SPATA13: variants seen among roughly 807,000 people sequenced by gnomAD.
SPATA13 encodes spermatogenesis-associated protein 13.
In SPATA13, 50 loss-of-function variants were observed where a neutral mutation model predicts 104.0. The observed-to-expected ratio is 0.48, with a 90% confidence interval of 0.38 to 0.61. The LOEUF is 0.61. SPATA13 is among the 20% of genes least tolerant of loss of function. The pLI, the probability that SPATA13 is intolerant of heterozygous loss-of-function variation, is 0.00. For synonymous variants in SPATA13, 606 were observed against 667.5 expected, an observed-to-expected ratio of 0.91 and a Z score of 1.42; for missense variants, 1,524 against 1,690.6, an observed-to-expected ratio of 0.90 and a Z score of 1.73.
chr13:24,059,507 C>T (rs569052621), intron 3 of SPATA13, among the ~76,000 whole-genome samples: 53 of 152,308 alleles, frequency 3.5e-4, no homozygotes, highest in South Asian at 1.0e-3. Flanking sequence ...CTTACACTAA[C>T]GCTTTTGTTT....
rs146833010 is a variant in SPATA13, at chr13:24,170,559, G to A, written c.-112+9627G>A. Among the ~76,000 whole-genome samples, 419 of 152,302 alleles carry A rather than the reference G, an allele frequency of 2.8e-3. 1 individual carries two copies. The highest frequency in any genetic ancestry group is 9.2e-3 in the African/African-American group (381 of 41,556). ...CTTTCGTGGAAAGTCTCCTGTGGAA[G>A]CGCCATCCCCTCTGCAGAGTACATC... On this transcript the variant is annotated intron_variant, in intron 1 of 12. Coordinates refer to ENST00000382108, the MANE Select transcript of SPATA13 (RefSeq NM_001166271.3).
At chr13:23,986,766 G>C (rs895342769) in intron 2 of SPATA13, among the ~76,000 whole-genome samples, 3 of 152,092 alleles carry the variant, frequency 2.0e-5, no homozygotes, top group African/African-American at 7.3e-5. Flanking sequence ...AAAGAGCATC[G>C]GGGCCATACA....
intron 2 of SPATA13, among the ~76,000 whole-genome samples, chr13:24,244,748 A>C (rs1343794046): frequency 6.6e-6 from 1 of 152,204 alleles, no homozygotes; most frequent in African/African-American, 2.4e-5. Flanking sequence ...CTGTAGTCCC[A>C]GCTTCCTGGG....
intron 3 of SPATA13, among the ~76,000 whole-genome samples, chr13:24,105,501 G>T (rs1172190510): frequency 1.3e-5 from 2 of 149,552 alleles, no homozygotes; most frequent in Non-Finnish European, 3.0e-5. Context: ...TTCTGGGATT[G>T]CCAGCACCAA....
chr13:24,270,731 C>A, intron 4 of SPATA13: 1 of 1,548,090 alleles, frequency 6.5e-7, no homozygotes. Flanking sequence ...AACGTCAAAG[C>A]AGTGAATAAG....
Position 24,124,144 on chromosome 13 carries a change from C to A in SPATA13, c.-111-98675C>A, listed in dbSNP as rs562295827. 3.3e-5 allele frequency among the ~76,000 whole-genome samples: 5 copies of A among 152,308 alleles called. No individual in the cohort carries two copies. The East Asian group carries it at 5.8e-4, about 18-fold the overall frequency. On this transcript the variant is annotated intron_variant, in intron 3 of 14. Coordinates refer to the SPATA13 transcript ENST00000424834. ...CTAAGCACCCAGCAACATACAAATTCACCAAAGAAAGCAGTTATTAGAGTT... is the reference window on the plus strand; with the variant it reads ...CTAAGCACCCAGCAACATACAAATTAACCAAAGAAAGCAGTTATTAGAGTT...
chr13:24,290,905 G>A, intron 9 of SPATA13, 21 bp downstream of exon 9: 2 of 1,594,656 alleles, frequency 1.3e-6, no homozygotes, highest in Non-Finnish European at 1.7e-6. Context: ...TGGGTAAGGG[G>A]CACAGGTGAG....
chr13:24,069,671 C>A (rs1010315683), intron 3 of SPATA13, among the ~76,000 whole-genome samples: 5 of 152,196 alleles, frequency 3.3e-5, no homozygotes, highest in Non-Finnish European at 5.9e-5. Context: ...CTTAATTTTA[C>A]ATTCCAGGGG....
upstream of SPATA13, among the ~76,000 whole-genome samples, chr13:24,157,392 G>A (rs1010656640): frequency 4.7e-4 from 71 of 152,214 alleles, no homozygotes; most frequent in Non-Finnish European, 5.4e-4. Flanking sequence ...TCCGCCTCCC[G>A]GGTTCACGCC....
chr13:24,033,547 C>T, intron 3 of SPATA13: 1 of 152,568 alleles, frequency 6.6e-6, no homozygotes, highest in Non-Finnish European at 1.5e-5. Flanking sequence ...CTGAGGAGAA[C>T]CCGGGCACAC....
intron 3 of SPATA13, among the ~76,000 whole-genome samples, chr13:24,128,309 A>C (rs190259506): frequency 8.5e-5 from 13 of 152,298 alleles, no homozygotes; most frequent in Middle Eastern, 3.4e-3. Context: ...TCATCACCAG[A>C]AATGCTCTGC....
At chr13:24,283,934 C>T (rs1037916806) in intron 4 of SPATA13, among the ~76,000 whole-genome samples, 1 of 152,224 alleles carries the variant, frequency 6.6e-6, no homozygotes, top group African/African-American at 2.4e-5. Flanking sequence ...CACTCTTTAA[C>T]ATTCCACCTC....
At chr13:24,191,509 T>C (rs1373311914) in intron 1 of SPATA13, among the ~76,000 whole-genome samples, 4 of 124,016 alleles carry the variant, frequency 3.2e-5, no homozygotes, top group South Asian at 2.7e-4. Context: ...TTCTTTTTTT[T>C]TTTTTTTTTT....
intron 3 of SPATA13, among the ~76,000 whole-genome samples, chr13:24,105,604 C>T (rs1247683864): frequency 6.6e-6 from 1 of 151,958 alleles, no homozygotes; most frequent in Non-Finnish European, 1.5e-5. Context: ...CTAAAATAGG[C>T]CTACGGAGGA....
chr13:24,073,944 T>G (rs1298300903), intron 3 of SPATA13, among the ~76,000 whole-genome samples: 1 of 152,350 alleles, frequency 6.6e-6, no homozygotes, highest in East Asian at 1.9e-4. Context: ...CACAATAAAC[T>G]TTGCTGCTGT....
At chr13:23,990,761 CAT>C (rs1875376092) in intron 2 of SPATA13, among the ~76,000 whole-genome samples, 1 of 152,218 alleles carries the variant, frequency 6.6e-6, no homozygotes, top group Non-Finnish European at 1.5e-5. Context: ...CAGAACCTAA[CAT>C]ATTGATTGCT....
At chr13:24,144,299 G>C (rs1191262128) in intron 3 of SPATA13, among the ~76,000 whole-genome samples, 1 of 152,166 alleles carries the variant, frequency 6.6e-6, no homozygotes, top group Non-Finnish European at 1.5e-5. Context: ...CAAAGGGCGA[G>C]AGCGGGTACT....
intron 1 of SPATA13, among the ~76,000 whole-genome samples, chr13:24,192,907 G>A (rs1326502218): frequency 6.6e-6 from 1 of 152,198 alleles, no homozygotes; most frequent in Non-Finnish European, 1.5e-5. Flanking sequence ...GGGAGCACTG[G>A]TAGAGATGGA....
chr13:24,142,643 T>C (rs1593357187), intron 3 of SPATA13, among the ~76,000 whole-genome samples: 2 of 152,262 alleles, frequency 1.3e-5, no homozygotes, highest in Non-Finnish European at 2.9e-5. Flanking sequence ...ACAACTTTTT[T>C]CCTCCTCCCC....
Sources: gnomAD v4.1 joint callset for allele counts (sites outside exome capture counted in the v4.1 genomes callset) on GRCh38, gnomAD v4.1.1 for gene constraint, MANE v1.5 for transcripts, NCBI Gene and HGNC (gene_info 2026-07-23, HGNC 2026-07-21) for gene names.